CSMD3: variants seen among roughly 807,000 people sequenced by gnomAD.
CSMD3 encodes CUB and sushi domain-containing protein 3.
Under a neutral mutation model 435.2 loss-of-function variants are expected in CSMD3, and 177 were observed. The ratio of observed to expected loss-of-function variants is 0.41; its 90% CI spans 0.36 to 0.46. CSMD3 has a LOEUF of 0.46. Ranked by LOEUF, CSMD3 falls within the 20% of genes least tolerant of loss-of-function variation. The pLI, the probability that CSMD3 is intolerant of heterozygous loss-of-function variation, is 0.34. For missense variants in CSMD3, 4,265 were observed against 4,504.6 expected, an observed-to-expected ratio of 0.95 and a Z score of 1.52; for synonymous variants, 1,656 against 1,520.5, an observed-to-expected ratio of 1.09 and a Z score of -2.07.
At position 112,933,426 on chromosome 8, in the gene CSMD3, A is replaced by G. The variant is rs559169668; in HGVS notation, c.1509-11675T>C. Among the ~76,000 whole-genome samples the G allele has an allele frequency of 9.9e-5, 15 of 152,270 alleles. No individual in the cohort carries two copies. In the East Asian group the frequency reaches 2.7e-3, roughly 27 times the overall value. On this transcript the variant is annotated intron_variant, in intron 9 of 70. Transcript: ENST00000297405. Reference sequence around the variant, plus strand: ...TCTGCAAAGTATTACAATATACCTTACCATGATTGTTAGAAAAGACATGGT... The same window carrying G: ...TCTGCAAAGTATTACAATATACCTTGCCATGATTGTTAGAAAAGACATGGT...
intron 1 of CSMD3, among the ~76,000 whole-genome samples, chr8:113,333,038 T>C (rs911458901): frequency 1.3e-5 from 2 of 151,692 alleles, no homozygotes; most frequent in Non-Finnish European, 3.0e-5. Context: ...TTTATTGTTT[T>C]CTTCTTTTTA....
chr8:113,201,359 A>C (rs780139924), intron 3 of CSMD3, among the ~76,000 whole-genome samples: 5 of 151,986 alleles, frequency 3.3e-5, no homozygotes, highest in African/African-American at 1.2e-4. Flanking sequence ...TCAAAGGTTA[A>C]TTGAAATTAG....
intron 3 of CSMD3, among the ~76,000 whole-genome samples, chr8:113,260,087 T>C (rs2093414812): frequency 6.6e-6 from 1 of 152,178 alleles, no homozygotes; most frequent in African/African-American, 2.4e-5. Context: ...ACCATAATTG[T>C]AAGTTTCCAG....
At position 112,506,761 on chromosome 8, in the gene CSMD3, G is replaced by A. The variant is rs1246689989; in HGVS notation, c.4825C>T (p.Pro1609Ser). Reference protein sequence around the residue: ...ILSPNFPHPYPHSRDCDWTIT... With the variant: ...ILSPNFPHPYSHSRDCDWTIT... ...GTCCAGTCACAGTCTCTGCTATGCG[G>A]ATATGGATGAGGGAAGTTTGGTGAA... Residue 1609 changes from proline (P) to serine (S), a missense_variant, in exon 29 of 71, where the codon CCG (proline) becomes TCG (serine). Transcript: ENST00000297405. The A allele has an allele frequency of 1.9e-6, 3 of 1,613,448 alleles. No homozygotes were observed. In the South Asian group the frequency reaches 3.3e-5, roughly 18 times the overall value.
intron 10 of CSMD3, among the ~76,000 whole-genome samples, chr8:112,918,590 G>A (rs2130600841): frequency 1.3e-5 from 2 of 151,862 alleles, no homozygotes; most frequent in Admixed American, 1.3e-4. Flanking sequence ...GCTACTTTTT[G>A]CAAAAGCTCC....
intron 1 of CSMD3, among the ~76,000 whole-genome samples, chr8:113,419,930 T>C (rs952407691): frequency 6.6e-6 from 1 of 152,136 alleles, no homozygotes; most frequent in African/African-American, 2.4e-5. Context: ...AGTAAAAATG[T>C]CACAAATATC....
chr8:112,305,189 C>T (rs1432601964), intron 51 of CSMD3, among the ~76,000 whole-genome samples: 1 of 152,062 alleles, frequency 6.6e-6, no homozygotes, highest in Non-Finnish European at 1.5e-5. Flanking sequence ...TACCTCTACT[C>T]CCTTATTTCT....
chr8:113,041,263 A>G (rs1453800554), intron 5 of CSMD3, among the ~76,000 whole-genome samples: 1 of 151,422 alleles, frequency 6.6e-6, no homozygotes, highest in Non-Finnish European at 1.5e-5. Context: ...TTTCTCCAAC[A>G]ATGGAATGTG....
At chr8:112,422,823 A>G (rs1199422608) in intron 32 of CSMD3, among the ~76,000 whole-genome samples, 2 of 152,232 alleles carry the variant, frequency 1.3e-5, no homozygotes, top group Non-Finnish European at 1.5e-5. Flanking sequence ...GTCAAAGACA[A>G]TGATCAACAG....
intron 13 of CSMD3, among the ~76,000 whole-genome samples, chr8:112,774,527 T>A (rs1201780840): frequency 5.3e-5 from 8 of 152,048 alleles, no homozygotes; most frequent in Non-Finnish European, 1.2e-4. Flanking sequence ...CGAAATCTAC[T>A]TTATTTTTCT....
intron 4 of CSMD3, among the ~76,000 whole-genome samples, chr8:113,112,311 C>G (rs1644237725): frequency 6.8e-6 from 1 of 146,860 alleles, no homozygotes. Context: ...AGGATAAGAG[C>G]TTGCCAGTTC....
intron 61 of CSMD3, among the ~76,000 whole-genome samples, chr8:112,258,811 G>T (rs977484985): frequency 1.3e-5 from 2 of 152,126 alleles, no homozygotes; most frequent in Non-Finnish European, 2.9e-5. Flanking sequence ...AGGCCAAGGC[G>T]GGCGGATCAC....
chr8:113,346,153 A>G (rs1394593479), intron 1 of CSMD3, among the ~76,000 whole-genome samples: 1 of 152,072 alleles, frequency 6.6e-6, no homozygotes, highest in Non-Finnish European at 1.5e-5. Context: ...ATCAATAGAG[A>G]TAGACCATGG....
At chr8:112,266,907 T>C (rs1279896547) in intron 59 of CSMD3, among the ~76,000 whole-genome samples, 1 of 152,166 alleles carries the variant, frequency 6.6e-6, no homozygotes, top group Non-Finnish European at 1.5e-5. Context: ...TTTCTGGAGA[T>C]AAAAAACATG....
chr8:113,010,104 T>C (rs960459947), intron 6 of CSMD3, among the ~76,000 whole-genome samples: 4 of 151,684 alleles, frequency 2.6e-5, no homozygotes, highest in Non-Finnish European at 5.9e-5. Context: ...AATAAGCACT[T>C]ATATTAAGAC....
At chr8:112,578,631 G>A (rs1473078792) in intron 23 of CSMD3, among the ~76,000 whole-genome samples, 1 of 151,968 alleles carries the variant, frequency 6.6e-6, no homozygotes, top group African/African-American at 2.4e-5. Context: ...ACTGCTAAAT[G>A]TGTATACTTG....
At chr8:112,865,692 A>C (rs895229086) in intron 10 of CSMD3, among the ~76,000 whole-genome samples, 2 of 110,630 alleles carry the variant, frequency 1.8e-5, no homozygotes, top group South Asian at 5.9e-4. Flanking sequence ...TACCCCACAC[A>C]CACACACACA....
intron 10 of CSMD3, among the ~76,000 whole-genome samples, chr8:112,920,559 A>G (rs41394146): frequency 0.32 from 48,867 of 151,628 alleles, 8,073 homozygotes; most frequent in East Asian, 0.41. Context: ...ACTGACCTCA[A>G]TGATATGGTT....
At chr8:113,080,114 G>A (rs2131448250) in intron 5 of CSMD3, among the ~76,000 whole-genome samples, 1 of 152,176 alleles carries the variant, frequency 6.6e-6, no homozygotes, top group South Asian at 2.1e-4. Flanking sequence ...CCGTTAACAT[G>A]TTCTCTGGAA....
Sources: allele counts gnomAD v4.1 joint callset (sites outside exome capture counted in the v4.1 genomes callset), GRCh38; gene constraint gnomAD v4.1.1; transcripts MANE v1.5; gene names NCBI Gene and HGNC (gene_info 2026-07-23, HGNC 2026-07-21).